The following SHC4 variants were observed in gnomAD, a reference collection of about 807,000 sequenced individuals.
The protein encoded by SHC4 is SHC-transforming protein 4.
A neutral mutation model predicts 69.4 loss-of-function variants in SHC4; 41 were observed. That is an observed-to-expected ratio of 0.59 (90% CI 0.46 to 0.77). The LOEUF (loss-of-function observed/expected upper bound fraction) is 0.77. SHC4 is among the 30% of genes least tolerant of loss of function. SHC4 has a pLI of 0.00. For synonymous variants in SHC4, 318 were observed against 299.3 expected (o/e 1.06, Z -0.64); for missense variants, 777 against 783.8 (o/e 0.99, Z 0.10).
At chr15:48,943,456 A>G (rs896663958) in intron 1 of SHC4, among the ~76,000 whole-genome samples, 1 of 152,172 alleles carries the variant, frequency 6.6e-6, no homozygotes, top group Non-Finnish European at 1.5e-5. Flanking sequence ...AGGCTGAATA[A>G]TATTTCATTG....
At chr15:48,912,207 T>C (rs963647208) in intron 2 of SHC4, among the ~76,000 whole-genome samples, 3 of 152,172 alleles carry the variant, frequency 2.0e-5, no homozygotes, top group African/African-American at 7.2e-5. Context: ...CTCTTCTTCC[T>C]CAGGAACACC....
rs771634752 is a variant in SHC4, at chr15:48,924,930, A to C, written c.605T>G (p.Val202Gly). Residue 202 changes from valine (V) to glycine (G), a missense_variant, in exon 2 of 12, where the codon GTG (valine) becomes GGG (glycine). Transcript: ENST00000332408. The stretch of plus-strand genomic sequence containing the variant: ...ATCCAGTGATCTCATTGATTGCAGC[A>C]CTTCAACACAGCCCATGTACTACAA... ...YCVRYMGCVE[V>G]LQSMRSLDFG... is the part of the protein sequence containing the mutation. The C allele has an allele frequency of 1.2e-6, 2 of 1,614,158 alleles. No homozygotes were observed. Among genetic ancestry groups the C allele is most frequent in the Non-Finnish European group, 1.7e-6 (2 of 1,180,010 alleles).
At chr15:48,913,878 A>G (rs1253882766) in intron 2 of SHC4, among the ~76,000 whole-genome samples, 1 of 152,178 alleles carries the variant, frequency 6.6e-6, no homozygotes, top group African/African-American at 2.4e-5. Flanking sequence ...CAGCTTCCCC[A>G]GTGGGTGTGT....
intron 10 of SHC4, among the ~76,000 whole-genome samples, chr15:48,841,276 G>GT (rs1381089893): frequency 1.3e-5 from 2 of 152,150 alleles, no homozygotes; most frequent in African/African-American, 4.8e-5. Flanking sequence ...TCCAGAAAGG[G>GT]TTTTTTTCCA....
At chr15:48,862,248 T>A (rs550603792) in intron 6 of SHC4, among the ~76,000 whole-genome samples, 1 of 151,936 alleles carries the variant, frequency 6.6e-6, no homozygotes, top group African/African-American at 2.4e-5. Context: ...CCTTCCTATA[T>A]CCAGGTAGTC....
intron 6 of SHC4, among the ~76,000 whole-genome samples, chr15:48,861,706 T>C (rs1899446702): frequency 1.3e-5 from 2 of 152,160 alleles, no homozygotes; most frequent in Admixed American, 6.5e-5. Flanking sequence ...TGGAATCAGA[T>C]GAAAGTCTGG....
intron 9 of SHC4, among the ~76,000 whole-genome samples, chr15:48,848,439 A>G (rs1214509475): frequency 1.3e-5 from 2 of 152,244 alleles, no homozygotes; most frequent in African/African-American, 4.8e-5. Flanking sequence ...CAAAGGGAGT[A>G]TCCAATAGAA....
intron 2 of SHC4, among the ~76,000 whole-genome samples, chr15:48,899,351 C>T (rs761853911): frequency 1.4e-4 from 22 of 152,100 alleles, no homozygotes; most frequent in Non-Finnish European, 2.9e-4. Flanking sequence ...TCTGTAATCC[C>T]AGCTATTAGG....
Position 48,884,366 on chromosome 15 carries a change from G to T in SHC4, c.722C>A (p.Pro241His). ...GANGAIKKRK[P>H]PVKFLSTVLG... ...GACTGTTGATAGGAACTTAACTGGA[G>T]GCTTTAAAAATTAAAGAAGAAAAAC... The change falls in exon 4 of 12, where the codon CCT becomes CAT. Residue 241 changes from proline to histidine, a missense_variant and splice_region_variant. Pro to His is a moderately conservative substitution (Grantham distance 77). Coordinates refer to ENST00000332408, the MANE Select transcript of SHC4 (RefSeq NM_203349.4). 1 of 1,577,078 alleles carries T rather than the reference G, an allele frequency of 6.3e-7. No individual in the cohort carries two copies. The highest frequency in any genetic ancestry group is 8.6e-7 in the Non-Finnish European group (1 of 1,168,394).
chr15:48,832,376 T>C (rs182501951), intron 11 of SHC4, among the ~76,000 whole-genome samples: 162 of 152,338 alleles, frequency 1.1e-3, no homozygotes, highest in African/African-American at 3.7e-3. Context: ...AACCCACTGA[T>C]AGTCTTACGG....
intron 4 of SHC4, among the ~76,000 whole-genome samples, chr15:48,874,798 T>A (rs755130594): frequency 3.3e-5 from 5 of 152,194 alleles, no homozygotes; most frequent in Non-Finnish European, 5.9e-5. Flanking sequence ...GGCTACATAG[T>A]GGCAAGTGAG....
chr15:48,909,448 A>G (rs953118573), intron 2 of SHC4, among the ~76,000 whole-genome samples: 5 of 152,080 alleles, frequency 3.3e-5, no homozygotes, highest in Admixed American at 6.6e-5. Flanking sequence ...AGCTTTCTGG[A>G]GGAGTCTTTA....
rs747505722 is a variant in SHC4 at position 48,882,685 on chromosome 15, GC to G, written c.840+1562del. On this transcript the variant is annotated intron_variant, in intron 4 of 11. Transcript: ENST00000332408. Reference sequence around the variant, plus strand: ...AAAGGCTGTCATTATGATGGCTTCAGCTTTGCCTACTCTTCCTCCCTTACAA... The same window carrying G: ...AAAGGCTGTCATTATGATGGCTTCAGTTTGCCTACTCTTCCTCCCTTACAA... Among the ~76,000 whole-genome samples the G allele has an allele frequency of 1.8e-4, 27 of 152,298 alleles. 1 individual carries two copies. Among genetic ancestry groups the G allele is most frequent in the Admixed American group, 2.6e-4 (4 of 15,298 alleles).
At chr15:48,854,269 T>C (rs1458804817) in intron 8 of SHC4, among the ~76,000 whole-genome samples, 1 of 151,858 alleles carries the variant, frequency 6.6e-6, no homozygotes, top group Non-Finnish European at 1.5e-5. Context: ...CACAATCACA[T>C]ATCACATATC....
chr15:48,913,805 T>TTCAGATCTCCAAATTGAC (rs1900561054), intron 2 of SHC4, among the ~76,000 whole-genome samples: 1 of 152,142 alleles, frequency 6.6e-6, no homozygotes, highest in African/African-American at 2.4e-5. Flanking sequence ...TTGGATTTCG[T>TTCAGATCTCCAAATTGAC]TCAGCTCTCC....
chr15:48,863,533 C>T (rs1267939356), intron 6 of SHC4, among the ~76,000 whole-genome samples: 1 of 152,104 alleles, frequency 6.6e-6, no homozygotes. Context: ...ATTGCTTAAT[C>T]TTTGTACGTA....
At chr15:48,927,738 G>A (rs754591289) in intron 1 of SHC4, among the ~76,000 whole-genome samples, 25 of 151,982 alleles carry the variant, frequency 1.6e-4, no homozygotes, top group Non-Finnish European at 3.4e-4. Context: ...CATTCTGTCC[G>A]CCTGGCTCTC....
chr15:48,938,987 C>T (rs1901125188), intron 1 of SHC4, among the ~76,000 whole-genome samples: 1 of 152,144 alleles, frequency 6.6e-6, no homozygotes. Context: ...AAAACAAGAA[C>T]AATAGTTTAT....
rs1339675892 is a variant in SHC4 at position 48,825,179 on chromosome 15, GT to G, written c.*791del. 1 of 150,610 alleles carries G rather than the reference GT, an allele frequency of 6.6e-6. No individual in the cohort carries two copies. Among genetic ancestry groups the G allele is most frequent in the Non-Finnish European group, 1.5e-5 (1 of 67,734 alleles). 9.3% of individuals were successfully genotyped at this position (150,610 alleles called of 1,614,324 possible). A position where few individuals can be genotyped will look rare whatever the true frequency, so the allele number is the denominator to read the frequency against. On this transcript the variant is annotated 3_prime_UTR_variant, in exon 12 of 12. Coordinates refer to ENST00000332408, the MANE Select transcript of SHC4 (RefSeq NM_203349.4). ...TTGTTTTTTTTGTTTTTTGTTTTTT[GT>G]CTTTTTAGCAGGAAGAGGGGGAGAA... is the stretch of plus-strand genomic sequence containing the variant.
Sources: gnomAD v4.1 joint callset for allele counts (sites outside exome capture counted in the v4.1 genomes callset) on GRCh38, gnomAD v4.1.1 for gene constraint, MANE v1.5 for transcripts, NCBI Gene and HGNC (gene_info 2026-07-23, HGNC 2026-07-21) for gene names.